The following C3orf62 variants were observed in gnomAD, a reference collection of about 807,000 sequenced individuals.
The protein encoded by C3orf62 is chromosome 3 open reading frame 62.
C3orf62 carries 16 observed loss-of-function variants against 21.7 expected under a neutral mutation model. The observed-to-expected ratio is 0.74, with a 90% CI of 0.50 to 1.12. The LOEUF is 1.12. C3orf62 is among the 50% of genes most tolerant of loss of function. The pLI, the probability that C3orf62 is intolerant of heterozygous loss-of-function variation, is 0.00. For synonymous variants in C3orf62, 114 were observed against 117.0 expected, an observed-to-expected ratio of 0.97 and a Z score of 0.17; for missense variants, 310 against 318.8, an observed-to-expected ratio of 0.97 and a Z score of 0.21.
intron 1 of C3orf62, among the ~76,000 whole-genome samples, chr3:49,275,835 T>A (rs1194894374): frequency 6.6e-6 from 1 of 151,866 alleles, no homozygotes; most frequent in Non-Finnish European, 1.5e-5. Context: ...CGGCCTGAAG[T>A]TTCATCTCAT....
In C3orf62 at chr3:49,276,424, C is replaced by T. The variant is rs2046960315; in HGVS notation, c.446+3G>A. 2 of 1,602,996 alleles carry T rather than the reference C, an allele frequency of 1.2e-6. No homozygotes were observed. The highest frequency in any genetic ancestry group is 1.7e-6 in the Non-Finnish European group (2 of 1,173,036). ...GCTGTTAAACCATCAAAATTAGAAT[C>T]ACCTTAAATTTTCTTTTCTCCAGTT... is the stretch of plus-strand genomic sequence containing the variant. On this transcript the variant is annotated splice_donor_region_variant and intron_variant, in intron 1 of 2. Transcript: ENST00000343010.
At chr3:49,276,354 G>C in intron 1 of C3orf62, 73 bp downstream of exon 1, 1 of 1,462,048 alleles carries the variant, frequency 6.8e-7, no homozygotes, top group Non-Finnish European at 9.3e-7. Context: ...ACTAAATCTA[G>C]GATCTTCAAC....
intron 1 of C3orf62, 144 bp from the exon 2 acceptor site, chr3:49,274,284 A>G (rs2046934719): frequency 3.2e-6 from 2 of 629,002 alleles, no homozygotes; most frequent in Non-Finnish European, 5.6e-6. Flanking sequence ...TTAAAGGACA[A>G]TTGGAAACTG....
At position 49,277,093 on chromosome 3, in the gene C3orf62, C is replaced by A; in HGVS notation, c.-221G>T. 2.0e-6 allele frequency: 3 copies of A among 1,486,502 alleles called. No individual in the cohort carries two copies. Among genetic ancestry groups the A allele is most frequent in the Admixed American group, 2.1e-5 (1 of 48,162 alleles). 92.1% of individuals were successfully genotyped at this position (1,486,502 alleles called of 1,614,324 possible). A position where few individuals can be genotyped will look rare whatever the true frequency, so the allele number is the denominator to read the frequency against. Reference sequence around the variant, plus strand: ...CTTCCCACAGCTTCCTGGCCCGCCCCGCCGCTGCCTCCCGCCCCACCGCGG... The same window carrying A: ...CTTCCCACAGCTTCCTGGCCCGCCCAGCCGCTGCCTCCCGCCCCACCGCGG... On this transcript the variant is annotated 5_prime_UTR_variant, in exon 1 of 3. Transcript: ENST00000343010.
intron 1 of C3orf62, among the ~76,000 whole-genome samples, chr3:49,276,081 A>G (rs1223337571): frequency 6.6e-6 from 1 of 152,180 alleles, no homozygotes; most frequent in Non-Finnish European, 1.5e-5. Flanking sequence ...CACAGGAGTT[A>G]AGATGGAATT....
rs746104541 is a variant in C3orf62 at position 49,271,156 on chromosome 3, G to A, written c.*24C>T. The stretch of plus-strand genomic sequence containing the variant: ...CTCAAGGGCAGCCTCCTGCTGTAAG[G>A]AATCAAAGCTTAGATAACTGTCCTT... On this transcript the variant is annotated 3_prime_UTR_variant, in exon 3 of 3. Coordinates refer to ENST00000343010, the MANE Select transcript of C3orf62 (RefSeq NM_198562.3). 1.9e-6 allele frequency: 3 copies of A among 1,602,798 alleles called. No homozygotes were observed. The South Asian group carries it at 3.3e-5, about 18-fold the overall frequency.
chr3:49,277,037 C>T lies in C3orf62; in HGVS notation c.-165G>A. On this transcript the variant is annotated 5_prime_UTR_variant, in exon 1 of 3. Coordinates refer to ENST00000343010, the MANE Select transcript of C3orf62 (RefSeq NM_198562.3). ...CGGCTCTCGCGGAGGAACCCGCCATCTGCCAGAAGCCCCAAAGACGCCCCG... is the reference window on the plus strand; with the variant it reads ...CGGCTCTCGCGGAGGAACCCGCCATTTGCCAGAAGCCCCAAAGACGCCCCG... The T allele has an allele frequency of 2.0e-6, 3 of 1,463,678 alleles. No individual in the cohort carries two copies. The highest frequency in any genetic ancestry group is 2.7e-6 in the Non-Finnish European group (3 of 1,111,844). The allele number at this position is 1,463,678 out of a possible 1,614,324, so 90.7% of individuals were successfully genotyped here. A position where few individuals can be genotyped will look rare whatever the true frequency, so the allele number is the denominator to read the frequency against.
chr3:49,274,161 G>A (rs757021935), intron 1 of C3orf62, 21 bp from the exon 2 acceptor site: 1 of 1,567,760 alleles, frequency 6.4e-7, no homozygotes, highest in African/African-American at 1.4e-5. Context: ...CAGGTGGGGG[G>A]GAAGAAAAGG....
intron 2 of C3orf62, among the ~76,000 whole-genome samples, chr3:49,272,556 T>C (rs1293114176): frequency 1.4e-4 from 19 of 136,522 alleles, no homozygotes; most frequent in Non-Finnish European, 3.0e-4. Context: ...TTTTTTTTTT[T>C]TTTTTTGAGA....
At chr3:49,276,302 C>T in intron 1 of C3orf62, 125 bp downstream of exon 1, 1 of 847,864 alleles carries the variant, frequency 1.2e-6, no homozygotes, top group Non-Finnish European at 1.8e-6. Flanking sequence ...TCCCCAAATG[C>T]AGTCACAGAG....
intron 2 of C3orf62, among the ~76,000 whole-genome samples, chr3:49,273,220 G>A (rs150819589): frequency 6.6e-6 from 1 of 152,158 alleles, no homozygotes; most frequent in African/African-American, 2.4e-5. Context: ...CTAGGAGTTC[G>A]AGACCAGCCT....
Position 49,271,380 on chromosome 3 carries a change from G to T in C3orf62, c.604C>A (p.His202Asn). The T allele has an allele frequency of 6.2e-7, 1 of 1,614,140 alleles. No individual in the cohort carries two copies. The highest frequency in any genetic ancestry group is 2.2e-5 in the East Asian group (1 of 44,888). The change falls in exon 3 of 3, where the codon CAC (histidine) becomes AAC (asparagine). Residue 202 changes from histidine to asparagine, a missense_variant. By Grantham distance (68) the His-to-Asn change is moderately conservative. Transcript: ENST00000343010. ...GKIEFENELN[H>N]MCGHCQDSPF... ...GAATCTTGGCAATGACCACACATGT[G>T]GTTCAATTCGTTTTCAAATTCTATT... is the stretch of plus-strand genomic sequence containing the variant.
intron 1 of C3orf62, among the ~76,000 whole-genome samples, chr3:49,276,132 T>A (rs2046957381): frequency 6.6e-6 from 1 of 152,206 alleles, no homozygotes; most frequent in South Asian, 2.1e-4. Context: ...AGGTTATTTT[T>A]AAAACCCGGT....
chr3:49,277,145 C>T lies in C3orf62; in HGVS notation c.-273G>A, dbSNP rs1055505688. 28 of 1,437,328 alleles carry T rather than the reference C, an allele frequency of 1.9e-5. No homozygotes were observed. Among genetic ancestry groups the T allele is most frequent in the Non-Finnish European group, 2.5e-5 (27 of 1,084,394 alleles). 89.0% of individuals were successfully genotyped at this position (1,437,328 alleles called of 1,614,324 possible). A position where few individuals can be genotyped will look rare whatever the true frequency, so the allele number is the denominator to read the frequency against. Reference sequence around the variant, plus strand: ...TCCCAGGCCGCTGGCCCTACCGGCACCCCCCCTTTGGCGAGTCGGCAGCCA... The same window carrying T: ...TCCCAGGCCGCTGGCCCTACCGGCATCCCCCCTTTGGCGAGTCGGCAGCCA... On this transcript the variant is annotated 5_prime_UTR_variant, in exon 1 of 3. The change creates a new upstream start codon in the 5' untranslated region. Coordinates refer to ENST00000343010, the MANE Select transcript of C3orf62 (RefSeq NM_198562.3).
rs2046895120 is a variant in C3orf62, at chr3:49,268,606, A to G, written c.*2574T>C. 1 of 152,160 alleles carries G rather than the reference A, an allele frequency of 6.6e-6. No homozygotes were observed. The highest frequency in any genetic ancestry group is 1.5e-5 in the Non-Finnish European group (1 of 68,028). 9.4% of individuals were successfully genotyped at this position (152,160 alleles called of 1,614,324 possible). ...AGAAACTGACATCAATACATTAAAC[A>G]CTAGTTTTTATTCAAGTTTTATCAG... On this transcript the variant is annotated 3_prime_UTR_variant, in exon 3 of 3. Coordinates refer to ENST00000343010, the MANE Select transcript of C3orf62 (RefSeq NM_198562.3).
Position 49,269,123 on chromosome 3 carries a change from GATTTGTCTAAC to G in C3orf62, c.*2046_*2056del, listed in dbSNP as rs1038247919. 6.6e-6 allele frequency: 1 copy of G among 152,160 alleles called. No homozygotes were observed. Among genetic ancestry groups the G allele is most frequent in the African/African-American group, 2.4e-5 (1 of 41,434 alleles). 9.4% of individuals were successfully genotyped at this position (152,160 alleles called of 1,614,324 possible). A position where few individuals can be genotyped will look rare whatever the true frequency, so the allele number is the denominator to read the frequency against. The stretch of plus-strand genomic sequence containing the variant: ...TCTTGTAGAATGTACCCCACGTCTG[GATTTGTCTAAC>G]ATTTGTCTCAAGATCATACACTGGG... On this transcript the variant is annotated 3_prime_UTR_variant, in exon 3 of 3. Transcript: ENST00000343010.
intron 1 of C3orf62, among the ~76,000 whole-genome samples, chr3:49,274,734 C>T (rs1233099182): frequency 6.6e-6 from 1 of 151,776 alleles, no homozygotes; most frequent in Non-Finnish European, 1.5e-5. Context: ...CCATGTTGGC[C>T]AGGCTGGTCT....
chr3:49,273,392 C>A (rs1044444122), intron 2 of C3orf62, among the ~76,000 whole-genome samples: 7 of 152,048 alleles, frequency 4.6e-5, no homozygotes, highest in African/African-American at 1.7e-4. Context: ...CCACTGCACT[C>A]CAGCCTGGGT....
At position 49,276,946 on chromosome 3, in the gene C3orf62, G is replaced by A. The variant is rs2046967410; in HGVS notation, c.-74C>T. ...TACCCCTGAATGGCCACGATTTCCT[G>A]GAGCTTGGCCCTGGCTATAGCAGGA... On this transcript the variant is annotated 5_prime_UTR_variant, in exon 1 of 3. An upstream open reading frame in the 5' UTR gains an earlier in-frame stop. Transcript: ENST00000343010. 1 of 1,540,414 alleles carries A rather than the reference G, an allele frequency of 6.5e-7. No homozygotes were observed. Among genetic ancestry groups the A allele is most frequent in the Non-Finnish European group, 8.7e-7 (1 of 1,145,804 alleles).
Sources: gnomAD v4.1 joint callset for allele counts (sites outside exome capture counted in the v4.1 genomes callset) on GRCh38, gnomAD v4.1.1 for gene constraint, MANE v1.5 for transcripts, NCBI Gene and HGNC (gene_info 2026-07-23, HGNC 2026-07-21) for gene names.